CALCA: variants seen among roughly 807,000 people sequenced by gnomAD.
The protein encoded by CALCA is calcitonin.
Under a neutral mutation model 6.9 loss-of-function variants are expected in CALCA, and 4 were observed. The observed-to-expected ratio is 0.58, with a 90% CI of 0.29 to 1.33. The LOEUF is 1.33. CALCA is among the 40% of genes most tolerant of loss of function. The pLI, the probability that CALCA is intolerant of heterozygous loss-of-function variation, is 0.09. For synonymous variants in CALCA, 78 were observed against 70.0 expected, an observed-to-expected ratio of 1.11 and a Z score of -0.57; for missense variants, 174 against 178.3, an observed-to-expected ratio of 0.98 and a Z score of 0.14.
Position 14,968,649 on chromosome 11 carries a change from C to G in CALCA, c.*150G>C. Reference sequence around the variant, plus strand: ...TCTCTTCCAACCTGTGAGTCCTGCTCTCTTTCCTCCCATCTGAAGTTTGAG... The same window carrying G: ...TCTCTTCCAACCTGTGAGTCCTGCTGTCTTTCCTCCCATCTGAAGTTTGAG... On this transcript the variant is annotated 3_prime_UTR_variant, in exon 4 of 4. Transcript: ENST00000331587. 3 of 1,594,792 alleles carry G rather than the reference C, an allele frequency of 1.9e-6. No homozygotes were observed. The highest frequency in any genetic ancestry group is 2.6e-6 in the Non-Finnish European group (3 of 1,171,416).
chr11:14,968,637 G>T lies in CALCA; in HGVS notation c.*162C>A. The T allele has an allele frequency of 6.3e-7, 1 of 1,575,182 alleles. No homozygotes were observed. Among genetic ancestry groups the T allele is most frequent in the South Asian group, 1.2e-5 (1 of 85,762 alleles). On this transcript the variant is annotated 3_prime_UTR_variant, in exon 4 of 4. Transcript: ENST00000331587. ...TTCCCAGGTGATTCTCTTCCAACCT[G>T]TGAGTCCTGCTCTCTTTCCTCCCAT...
intron 2 of CALCA, among the ~76,000 whole-genome samples, chr11:14,970,282 A>G (rs1469510500): frequency 2.0e-5 from 3 of 152,252 alleles, no homozygotes; most frequent in Non-Finnish European, 2.9e-5. Context: ...GCCAGTTTGT[A>G]TAGGCTTGTG....
intron 3 of CALCA, 91 bp downstream of exon 3, chr11:14,969,844 C>A: frequency 6.3e-7 from 1 of 1,589,556 alleles, no homozygotes; most frequent in Non-Finnish European, 8.6e-7. Flanking sequence ...GGATTCCTGG[C>A]CAGTGTGTTC....
chr11:14,970,020 G>A lies in CALCA; in HGVS notation c.142C>T (p.Arg48Cys), dbSNP rs782424054. Residue 48 changes from arginine (R) to cysteine (C), a missense_variant, in exon 3 of 4, where the codon CGC becomes TGC. Transcript: ENST00000331587. ...TGCACCAGTGCAGCCAGCAGGAGGC[G>A]CGCTTCGTCCTCACTGAGCGTGGCC... The part of the protein sequence containing the change: ...DPATLSEDEA[R>C]LLLAALVQDY... 9 of 1,614,118 alleles carry A rather than the reference G, an allele frequency of 5.6e-6. No homozygotes were observed. Among genetic ancestry groups the A allele is most frequent in the African/African-American group, 1.3e-5 (1 of 74,948 alleles).
At chr11:14,969,822 A>G (rs778003337) in intron 3 of CALCA, 113 bp downstream of exon 3, 55 of 1,542,460 alleles carry the variant, frequency 3.6e-5, no homozygotes, top group Non-Finnish European at 4.6e-5. Context: ...CCGGTGAACA[A>G]CACAGCCTGT....
chr11:14,972,345 C>A lies in CALCA; in HGVS notation c.-110G>T. On this transcript the variant is annotated 5_prime_UTR_variant, in exon 1 of 4. Coordinates refer to ENST00000331587, the MANE Select transcript of CALCA (RefSeq NM_001741.3). ...CGGCGACACTTGGGCTGGGCAGTGT[C>A]TCTGATGCCTCCCAGCGCCAGCGAC... 6.5e-6 allele frequency: 1 copy of A among 153,294 alleles called. No homozygotes were observed. Among genetic ancestry groups the A allele is most frequent in the South Asian group, 1.8e-4 (1 of 5,462 alleles). The allele number at this position is 153,294 out of a possible 1,614,324, so 9.5% of individuals were successfully genotyped here.
chr11:14,970,999 ACATACCTTAC>A lies in CALCA; in HGVS notation c.86+98_86+107del, dbSNP rs1407483161. The A allele has an allele frequency of 9.5e-6, 8 of 838,992 alleles. No individual in the cohort carries two copies. In the East Asian group the frequency reaches 1.7e-4, roughly 18 times the overall value. The allele number at this position is 838,992 out of a possible 1,614,324, so 52.0% of individuals were successfully genotyped here. A position where few individuals can be genotyped will look rare whatever the true frequency, so the allele number is the denominator to read the frequency against. Reference sequence around the variant, plus strand: ...CAAAAAATTATATATGTGCATGAGTACATACCTTACCCCGGCCCCCTGTCGGTTTTTAAGC... The same window carrying A: ...CAAAAAATTATATATGTGCATGAGTACCCGGCCCCCTGTCGGTTTTTAAGC... On this transcript the variant is annotated intron_variant, in intron 2 of 3. Transcript: ENST00000331587.
In CALCA at chr11:14,969,897, G is replaced by A. The variant is rs782474815; in HGVS notation, c.227+38C>T. The A allele has an allele frequency of 3.7e-6, 6 of 1,612,170 alleles. No homozygotes were observed. The East Asian group carries it at 1.3e-4, about 36-fold the overall frequency. ...TCCACCTTCCTGTGTATGCTGCGGG[G>A]AGAGGAGGCCCTGTGCTGAGCGCTT... On this transcript the variant is annotated intron_variant, in intron 3 of 3. Transcript: ENST00000331587.
downstream of CALCA, chr11:14,967,936 T>A: frequency 6.5e-7 from 1 of 1,535,112 alleles, no homozygotes. Flanking sequence ...ACCTTCATGG[T>A]AAAGTTGCTG....
At chr11:14,967,654 C>A (rs782291791), downstream of CALCA, 2 of 1,613,184 alleles carry the variant, frequency 1.2e-6, no homozygotes, top group Non-Finnish European at 1.7e-6. Context: ...CTTCCCATCC[C>A]ATCATACAAG....
rs781942913 is a variant in CALCA, at chr11:14,969,931, T to G, written c.227+4A>C. ...CCCTGTGCTGAGCGCTTGGGGAGCC[T>G]CACCTGGAGCCCTCTCTCTCTTGCT... On this transcript the variant is annotated splice_donor_region_variant and intron_variant, in intron 3 of 3. Transcript: ENST00000331587. 2 of 1,612,642 alleles carry G rather than the reference T, an allele frequency of 1.2e-6. No homozygotes were observed. Among genetic ancestry groups the G allele is most frequent in the Admixed American group, 3.3e-5 (2 of 60,022 alleles).
At chr11:14,968,079 GT>G, downstream of CALCA, 1 of 605,614 alleles carries the variant, frequency 1.7e-6, no homozygotes, top group Non-Finnish European at 2.9e-6. Context: ...AAAACCCAAG[GT>G]GACTCTGGAT....
intron 1 of CALCA, 26 bp from the exon 2 acceptor site, chr11:14,971,227 A>T (rs1555026470): frequency 3.9e-6 from 6 of 1,537,582 alleles, no homozygotes; most frequent in Non-Finnish European, 5.4e-6. Context: ...GAGATAAACC[A>T]CCTGCGCCAG....
In CALCA at chr11:14,970,487, A is replaced by G. The variant is rs544562665; in HGVS notation, c.87-412T>C. ...CAAATTTAGTGGCAAACTATTTAACAGAATAGGATGCAATTCATTTTTCAA... is the reference window on the plus strand; with the variant it reads ...CAAATTTAGTGGCAAACTATTTAACGGAATAGGATGCAATTCATTTTTCAA... On this transcript the variant is annotated intron_variant, in intron 2 of 3. Transcript: ENST00000331587. Among the ~76,000 whole-genome samples the G allele has an allele frequency of 5.9e-5, 9 of 152,388 alleles. No individual in the cohort carries two copies. In the South Asian group the frequency reaches 1.7e-3, roughly 28 times the overall value.
intron 3 of CALCA, among the ~76,000 whole-genome samples, chr11:14,969,390 A>T (rs1462785567): frequency 6.6e-6 from 1 of 152,138 alleles, no homozygotes; most frequent in Non-Finnish European, 1.5e-5. Context: ...GCCTCCTGAC[A>T]ACATGCACAT....
downstream of CALCA, chr11:14,966,955 G>A (rs1268621753): frequency 6.5e-6 from 1 of 152,804 alleles, no homozygotes; most frequent in East Asian, 1.9e-4. Context: ...ACTGCAATGA[G>A]CTTGTTCTGC....
At chr11:14,967,587 C>A, downstream of CALCA, 1 of 1,504,280 alleles carries the variant, frequency 6.6e-7, no homozygotes, top group African/African-American at 1.4e-5. Context: ...TTTAAAACCA[C>A]ATGGTCTCAG....
rs139205962 is a variant in CALCA at position 14,968,846 on chromosome 11, C to T, written c.379G>A (p.Glu127Lys). The stretch of plus-strand genomic sequence containing the variant: ...CTAACATGAGGGCGATGGTCTCTCT[C>T]CAAGTCGCTGGACATATCCCTTTTC... ...GKKRDMSSDL[E>K]RDHRPHVSMP... Residue 127 changes from glutamate to lysine, a missense_variant, in exon 4 of 4, where the codon GAG becomes AAG. Glu to Lys is a moderately conservative substitution (Grantham distance 56). Coordinates refer to ENST00000331587, the MANE Select transcript of CALCA (RefSeq NM_001741.3). 3.1e-6 allele frequency: 5 copies of T among 1,614,030 alleles called. No homozygotes were observed. The highest frequency in any genetic ancestry group is 4.2e-6 in the Non-Finnish European group (5 of 1,180,038).
rs1258820939 is a variant in CALCA, at chr11:14,971,116, G to T, written c.77C>A (p.Ala26Glu). ...CTTCAGGCTGTCTTACCTGAATGGT[G>T]CTGCATGGAGGCTGCCTGCCTGCAA... is the stretch of plus-strand genomic sequence containing the variant. ...VLLQAGSLHA[A>E]PFRSALESSP... is the part of the protein sequence containing the mutation. The change falls in exon 2 of 4, where the codon GCA becomes GAA. Residue 26 changes from alanine to glutamate, a missense_variant. Coordinates refer to ENST00000331587, the MANE Select transcript of CALCA (RefSeq NM_001741.3). 2 of 1,613,762 alleles carry T rather than the reference G, an allele frequency of 1.2e-6. No homozygotes were observed. Among genetic ancestry groups the T allele is most frequent in the African/African-American group, 2.7e-5 (2 of 74,888 alleles).
Sources: gnomAD v4.1 joint callset for allele counts (sites outside exome capture counted in the v4.1 genomes callset) on GRCh38, gnomAD v4.1.1 for gene constraint, MANE v1.5 for transcripts, NCBI Gene and HGNC (gene_info 2026-07-23, HGNC 2026-07-21) for gene names.